Variants in SEMA5A observed in about 807,000 individuals in gnomAD.
SEMA5A encodes semaphorin 5A.
Under a neutral mutation model 135.5 loss-of-function variants are expected in SEMA5A, and 55 were observed. The observed-to-expected ratio is 0.41, with a 90% CI of 0.33 to 0.51. SEMA5A has a LOEUF of 0.51. Ranked by LOEUF, SEMA5A falls within the 20% of genes least tolerant of loss-of-function variation. The pLI is 0.37. For missense variants in SEMA5A, 1,290 were observed against 1,419.9 expected, an observed-to-expected ratio of 0.91 and a Z score of 1.47; for synonymous variants, 580 against 546.5, an observed-to-expected ratio of 1.06 and a Z score of -0.85.
chr5:9,106,288 TAATA>T (rs1334170659), intron 16 of SEMA5A, among the ~76,000 whole-genome samples: 1 of 152,250 alleles, frequency 6.6e-6, no homozygotes, highest in Non-Finnish European at 1.5e-5. Flanking sequence ...TGTAATTCTA[TAATA>T]AATAAAGCAA....
intron 2 of SEMA5A, among the ~76,000 whole-genome samples, chr5:9,429,088 C>T (rs3846587): frequency 0.67 from 102,120 of 152,022 alleles, 35,440 homozygotes; most frequent in Middle Eastern, 0.81. Context: ...TTAATTCATC[C>T]GGCCATGGAG....
chr5:9,423,071 G>C (rs997453730), intron 2 of SEMA5A, among the ~76,000 whole-genome samples: 1 of 152,112 alleles, frequency 6.6e-6, no homozygotes, highest in Non-Finnish European at 1.5e-5. Flanking sequence ...ATTCATTAAA[G>C]GGTGTATTAG....
At chr5:9,303,589 A>G (rs1751720387) in intron 5 of SEMA5A, among the ~76,000 whole-genome samples, 1 of 152,150 alleles carries the variant, frequency 6.6e-6, no homozygotes, top group Non-Finnish European at 1.5e-5. Context: ...AATAGCTGGA[A>G]GAGAGACTTT....
intron 5 of SEMA5A, among the ~76,000 whole-genome samples, chr5:9,279,637 G>T (rs1033530988): frequency 2.0e-5 from 3 of 152,062 alleles, no homozygotes; most frequent in South Asian, 2.1e-4. Context: ...AGTGGAAGGT[G>T]ATTGGATCAC....
At chr5:9,271,966 G>A (rs1424716617) in intron 5 of SEMA5A, among the ~76,000 whole-genome samples, 1 of 152,104 alleles carries the variant, frequency 6.6e-6, no homozygotes, top group Non-Finnish European at 1.5e-5. Flanking sequence ...CTAGCCACAG[G>A]AGTTGTTTTT....
At chr5:9,323,109 T>C (rs1752703045) in intron 4 of SEMA5A, among the ~76,000 whole-genome samples, 1 of 152,110 alleles carries the variant, frequency 6.6e-6, no homozygotes, top group Admixed American at 6.5e-5. Flanking sequence ...CCTGAACAAC[T>C]CCCTGCCCAT....
At chr5:9,460,057 T>G (rs1265182636) in intron 1 of SEMA5A, among the ~76,000 whole-genome samples, 1 of 152,202 alleles carries the variant, frequency 6.6e-6, no homozygotes, top group African/African-American at 2.4e-5. Flanking sequence ...GAGTTCAGCT[T>G]TTAAATTGAC....
chr5:9,271,902 C>T (rs577037192), intron 5 of SEMA5A, among the ~76,000 whole-genome samples: 2 of 152,304 alleles, frequency 1.3e-5, no homozygotes, highest in South Asian at 2.1e-4. Flanking sequence ...CCCACACTAC[C>T]AGGACCCTGG....
intron 5 of SEMA5A, among the ~76,000 whole-genome samples, chr5:9,275,360 A>T (rs1750202713): frequency 6.6e-6 from 1 of 152,180 alleles, no homozygotes; most frequent in African/African-American, 2.4e-5. Context: ...AACCAAAAAA[A>T]GTCCGGGACC....
In SEMA5A at chr5:9,035,443, C is replaced by T. The variant is rs971123224; in HGVS notation, c.*7454G>A. ...TTCCATTGATTGGTTAGGTGACCTCCGCCCACCCCTGCTCCAACTTCCATA... is the reference window on the plus strand; with the variant it reads ...TTCCATTGATTGGTTAGGTGACCTCTGCCCACCCCTGCTCCAACTTCCATA... On this transcript the variant is annotated 3_prime_UTR_variant, in exon 23 of 23. Coordinates refer to ENST00000382496, the MANE Select transcript of SEMA5A (RefSeq NM_003966.3). 3 of 152,116 alleles carry T rather than the reference C, an allele frequency of 2.0e-5. No homozygotes were observed. Among genetic ancestry groups the T allele is most frequent in the Non-Finnish European group, 2.9e-5 (2 of 68,032 alleles). 9.4% of individuals were successfully genotyped at this position (152,116 alleles called of 1,614,324 possible).
chr5:9,224,971 A>T, intron 7 of SEMA5A, 84 bp from the exon 8 acceptor site: 1 of 1,314,052 alleles, frequency 7.6e-7, no homozygotes. Flanking sequence ...CCATCATCAC[A>T]GTGACGCTTG....
At chr5:9,456,502 A>T (rs908336828) in intron 1 of SEMA5A, among the ~76,000 whole-genome samples, 3 of 152,188 alleles carry the variant, frequency 2.0e-5, no homozygotes, top group Non-Finnish European at 4.4e-5. Flanking sequence ...GGCTTCTTTG[A>T]GCAGGCAGAG....
At chr5:9,455,934 G>A (rs190897295) in intron 1 of SEMA5A, among the ~76,000 whole-genome samples, 11 of 152,306 alleles carry the variant, frequency 7.2e-5, no homozygotes, top group Admixed American at 5.2e-4. Flanking sequence ...AAGCAGGAGT[G>A]AGTCAGCAGG....
chr5:9,373,902 T>C (rs966409861), intron 3 of SEMA5A, among the ~76,000 whole-genome samples: 8 of 152,160 alleles, frequency 5.3e-5, no homozygotes, highest in African/African-American at 1.9e-4. Context: ...CTTTAATCAA[T>C]AAACAAACAA....
intron 1 of SEMA5A, among the ~76,000 whole-genome samples, chr5:9,508,841 C>T (rs2055963): frequency 0.011 from 1,650 of 152,152 alleles, 30 homozygotes; most frequent in African/African-American, 0.038. Context: ...CTGTCTTCTC[C>T]GTCACTGTAT....
chr5:9,186,381 A>C (rs1744811075), intron 11 of SEMA5A, among the ~76,000 whole-genome samples: 1 of 152,228 alleles, frequency 6.6e-6, no homozygotes. Context: ...GACAAATAAA[A>C]TAAACTGACT....
chr5:9,190,765 TAG>T (rs1293595360), intron 10 of SEMA5A, among the ~76,000 whole-genome samples: 3 of 152,200 alleles, frequency 2.0e-5, no homozygotes, highest in African/African-American at 7.2e-5. Context: ...AGCAGATGCA[TAG>T]AAACTCCTCC....
chr5:9,202,268 A>G (rs753489853), intron 8 of SEMA5A, 28 bp from the exon 9 acceptor site: 7 of 1,603,688 alleles, frequency 4.4e-6, no homozygotes, highest in South Asian at 2.2e-5. Flanking sequence ...GAGGGAAAAA[A>G]TCTCAACATT....
At chr5:9,442,918 T>C (rs1758292045) in intron 1 of SEMA5A, among the ~76,000 whole-genome samples, 1 of 152,176 alleles carries the variant, frequency 6.6e-6, no homozygotes, top group Non-Finnish European at 1.5e-5. Context: ...TCAGTAGGAA[T>C]GAAAATACAA....
Sources: gnomAD v4.1 joint callset for allele counts (sites outside exome capture counted in the v4.1 genomes callset) on GRCh38, gnomAD v4.1.1 for gene constraint, MANE v1.5 for transcripts, NCBI Gene and HGNC (gene_info 2026-07-23, HGNC 2026-07-21) for gene names.